The following CLIC5 variants were observed in gnomAD, a reference collection of about 807,000 sequenced individuals.
CLIC5 encodes CLIC family member 5, also known as chloride intracellular channel protein 5.
A neutral mutation model predicts 24.7 loss-of-function variants in CLIC5; 20 were observed. The ratio of observed to expected loss-of-function variants is 0.81; its 90% CI spans 0.57 to 1.18. CLIC5 has a LOEUF of 1.18. CLIC5 is among the 50% of genes most tolerant of loss of function. The pLI, the probability that CLIC5 is intolerant of heterozygous loss-of-function variation, is 0.00. For synonymous variants in CLIC5, 159 were observed against 135.6 expected (o/e 1.17, Z -1.20); for missense variants, 341 against 326.1 (o/e 1.05, Z -0.35).
the CLIC5 span, among the ~76,000 whole-genome samples, chr6:46,116,057 C>A: frequency 6.6e-6 from 1 of 152,062 alleles, no homozygotes; most frequent in Admixed American, 6.5e-5. Context: ...GGGCCCTGAC[C>A]CCATTGGTAT....
chr6:45,894,559 T>C (rs1390071481), downstream of CLIC5, among the ~76,000 whole-genome samples: 3 of 152,218 alleles, frequency 2.0e-5, no homozygotes, highest in Non-Finnish European at 1.5e-5. Flanking sequence ...ACAAACTGTA[T>C]AGAGTGTTGG....
intron 1 of CLIC5, among the ~76,000 whole-genome samples, chr6:45,957,959 C>T (rs941521772): frequency 2.0e-5 from 3 of 151,786 alleles, no homozygotes; most frequent in African/African-American, 7.3e-5. Context: ...AGATTTTGAG[C>T]ACTGGGGGCC....
chr6:45,881,156 C>T, exon 7 of CLIC5: 1 of 398,194 alleles, frequency 2.5e-6, no homozygotes, highest in Non-Finnish European at 4.4e-6. Context: ...TCTTCCTCTA[C>T]TCCATGCCCC....
intron 5 of CLIC5, among the ~76,000 whole-genome samples, chr6:45,908,649 T>G (rs1762727224): frequency 6.6e-6 from 1 of 152,196 alleles, no homozygotes; most frequent in South Asian, 2.1e-4. Flanking sequence ...ATTGATATAA[T>G]TTCTATTTTT....
chr6:45,901,847 C>G lies in CLIC5; in HGVS notation c.*1241G>C, dbSNP rs1191629488. 1 of 152,332 alleles carries G rather than the reference C, an allele frequency of 6.6e-6. No homozygotes were observed. Among genetic ancestry groups the G allele is most frequent in the Admixed American group, 6.6e-5 (1 of 15,254 alleles). The allele number at this position is 152,332 out of a possible 1,614,324, so 9.4% of individuals were successfully genotyped here. A position where few individuals can be genotyped will look rare whatever the true frequency, so the allele number is the denominator to read the frequency against. ...GTCTACATTTTTCTTCAAGTTCAAA[C>G]CACATGGTTTCCTAGTCAGAAAGTC... On this transcript the variant is annotated 3_prime_UTR_variant, in exon 6 of 6. Coordinates refer to ENST00000339561, the MANE Select transcript of CLIC5 (RefSeq NM_016929.5).
chr6:46,073,713 C>T (rs78224795), intron 1 of CLIC5, among the ~76,000 whole-genome samples: 2,248 of 152,318 alleles, frequency 0.015, 66 homozygotes, highest in African/African-American at 0.05. Context: ...TATTCAACTT[C>T]GTCATCTGCT....
chr6:46,060,453 T>C (rs1164514634), intron 1 of CLIC5, among the ~76,000 whole-genome samples: 1 of 152,142 alleles, frequency 6.6e-6, no homozygotes, highest in Admixed American at 6.5e-5. Context: ...TGCTAATAGT[T>C]GTATGGTGCT....
At chr6:45,895,682 A>T (rs888535439), downstream of CLIC5, among the ~76,000 whole-genome samples, 2 of 152,210 alleles carry the variant, frequency 1.3e-5, no homozygotes, top group Non-Finnish European at 2.9e-5. Context: ...AAGGTGAGGC[A>T]CGGCACAAAA....
At chr6:46,075,421 A>C (rs940206372) in intron 1 of CLIC5, among the ~76,000 whole-genome samples, 1 of 152,026 alleles carries the variant, frequency 6.6e-6, no homozygotes, top group Non-Finnish European at 1.5e-5. Context: ...ACAAACAAAC[A>C]AACAAAAAAT....
At chr6:46,095,540 G>A in the CLIC5 span, among the ~76,000 whole-genome samples, 1 of 152,144 alleles carries the variant, frequency 6.6e-6, no homozygotes, top group South Asian at 2.1e-4. Context: ...CAAGTTCAAA[G>A]TTTCACAGAT....
intron 4 of CLIC5, chr6:45,914,617 A>G: frequency 2.1e-6 from 2 of 946,900 alleles, no homozygotes; most frequent in Non-Finnish European, 1.4e-6. Flanking sequence ...TAACCAAACA[A>G]TAAACACTAG....
chr6:45,976,994 A>C (rs1472227800), intron 1 of CLIC5, among the ~76,000 whole-genome samples: 1 of 152,260 alleles, frequency 6.6e-6, no homozygotes, highest in Non-Finnish European at 1.5e-5. Context: ...TAGTTCATAC[A>C]GATCTGCCCA....
chr6:46,098,883 T>C, the CLIC5 span, among the ~76,000 whole-genome samples: 1 of 152,236 alleles, frequency 6.6e-6, no homozygotes, highest in Non-Finnish European at 1.5e-5. Flanking sequence ...CCGATTGTTC[T>C]TTGTTTGCTG....
exon 1 of CLIC5, chr6:46,080,303 G>A: frequency 7.1e-7 from 1 of 1,417,500 alleles, no homozygotes; most frequent in Non-Finnish European, 9.6e-7. Flanking sequence ...ATGAATGAAG[G>A]GACAGAGGAT....
intron 4 of CLIC5, among the ~76,000 whole-genome samples, chr6:45,916,891 C>A (rs6917932): frequency 0.019 from 2,818 of 152,162 alleles, 83 homozygotes; most frequent in African/African-American, 0.064. Context: ...TATTTTTGAC[C>A]AGGAATGTGA....
rs35845581 is a variant in CLIC5, at chr6:46,032,981, A to ATTT, written c.540+46719_540+46721dup. Among the ~76,000 whole-genome samples, 38 of 79,030 alleles carry ATTT rather than the reference A, an allele frequency of 4.8e-4. 1 individual carries two copies. The highest frequency in any genetic ancestry group is 1.5e-3 in the South Asian group (3 of 2,052). The allele number at this position is 79,030 out of a possible 152,430, so 51.8% of individuals were successfully genotyped here. ...CTAAGGGTAGGGCCTGGAAATCTAC[A>ATTT]TTTTTTTTTTTTTTTTTTTTTTTTT... On this transcript the variant is annotated intron_variant, in intron 1 of 5. Transcript: ENST00000185206.
chr6:45,991,717 G>A (rs1293820388), intron 1 of CLIC5, among the ~76,000 whole-genome samples: 1 of 152,170 alleles, frequency 6.6e-6, no homozygotes, highest in Non-Finnish European at 1.5e-5. Flanking sequence ...ATGTAGGGAT[G>A]AGGGAAGGAA....
the CLIC5 span, among the ~76,000 whole-genome samples, chr6:46,120,952 C>T: frequency 7.2e-5 from 11 of 152,238 alleles, no homozygotes; most frequent in East Asian, 1.9e-3. Flanking sequence ...AAATCTATGT[C>T]TAATTGGTTA....
At chr6:46,103,501 C>T in the CLIC5 span, among the ~76,000 whole-genome samples, 4 of 152,076 alleles carry the variant, frequency 2.6e-5, no homozygotes, top group African/African-American at 7.2e-5. Flanking sequence ...GGACTGATAC[C>T]TGTGAAGTTT....
Sources: allele counts gnomAD v4.1 joint callset (sites outside exome capture counted in the v4.1 genomes callset), GRCh38; gene constraint gnomAD v4.1.1; transcripts MANE v1.5; gene names NCBI Gene and HGNC (gene_info 2026-07-23, HGNC 2026-07-21).